The following CNTN5 variants were observed in gnomAD, a reference collection of about 807,000 sequenced individuals.
CNTN5 encodes contactin-5.
CNTN5 carries 77 observed loss-of-function variants against 129.1 expected under a neutral mutation model. That is an observed-to-expected ratio of 0.60 (90% CI 0.50 to 0.72). The LOEUF is 0.72. Among genes scored for constraint, CNTN5 ranks in the 30% least tolerant of loss-of-function variants. CNTN5 has a pLI of 0.00. For missense variants in CNTN5, 1,478 were observed against 1,328.8 expected (o/e 1.11, Z -1.75); for synonymous variants, 509 against 465.6 (o/e 1.09, Z -1.20).
intron 1 of CNTN5, among the ~76,000 whole-genome samples, chr11:99,078,172 A>G (rs1047782955): frequency 6.6e-6 from 1 of 152,184 alleles, no homozygotes; most frequent in Non-Finnish European, 1.5e-5. Flanking sequence ...GTAATTTGAT[A>G]CCTAATTAGT....
chr11:100,045,126 T>TG (rs1453346061), intron 9 of CNTN5, among the ~76,000 whole-genome samples: 1 of 152,000 alleles, frequency 6.6e-6, no homozygotes, highest in African/African-American at 2.4e-5. Context: ...ACTTTTTTTT[T>TG]TCTATTCATT....
At chr11:99,563,034 A>G (rs543022018) in intron 3 of CNTN5, among the ~76,000 whole-genome samples, 1 of 152,302 alleles carries the variant, frequency 6.6e-6, no homozygotes, top group Admixed American at 6.5e-5. Flanking sequence ...ACAAGGAAGC[A>G]TGTCTGAGTA....
intron 18 of CNTN5, among the ~76,000 whole-genome samples, chr11:100,276,583 CTAAGA>C (rs1409143216): frequency 1.4e-5 from 2 of 146,588 alleles, no homozygotes; most frequent in African/African-American, 5.0e-5. Flanking sequence ...GTCAGCAAAG[CTAAGA>C]TAAATTGGTT....
chr11:99,308,647 T>C (rs2135962901), intron 1 of CNTN5, among the ~76,000 whole-genome samples: 1 of 152,278 alleles, frequency 6.6e-6, no homozygotes, highest in East Asian at 1.9e-4. Context: ...TACTATAAGC[T>C]TTCAGGAAAA....
intron 9 of CNTN5, among the ~76,000 whole-genome samples, chr11:100,060,459 A>T (rs1943417919): frequency 6.6e-6 from 1 of 152,054 alleles, no homozygotes; most frequent in Admixed American, 6.6e-5. Flanking sequence ...GAAGTGGGAG[A>T]TTATGTGTAA....
intron 1 of CNTN5, among the ~76,000 whole-genome samples, chr11:99,170,126 T>A (rs1861072950): frequency 6.6e-6 from 1 of 152,168 alleles, no homozygotes; most frequent in Non-Finnish European, 1.5e-5. Context: ...TATCAATATA[T>A]TATAGGTTAC....
At chr11:99,965,370 C>T (rs1951066057) in intron 8 of CNTN5, among the ~76,000 whole-genome samples, 2 of 151,978 alleles carry the variant, frequency 1.3e-5, no homozygotes, top group Admixed American at 6.6e-5. Context: ...TCTTTGTTCT[C>T]GTTGGTTTCA....
intron 13 of CNTN5, among the ~76,000 whole-genome samples, chr11:100,147,508 T>C (rs953334598): frequency 2.6e-5 from 4 of 152,100 alleles, no homozygotes; most frequent in African/African-American, 9.7e-5. Context: ...CATTCGAACC[T>C]GCAACTCTTG....
At chr11:100,147,550 G>A (rs572114665) in intron 13 of CNTN5, among the ~76,000 whole-genome samples, 8 of 152,120 alleles carry the variant, frequency 5.3e-5, no homozygotes, top group Non-Finnish European at 8.8e-5. Context: ...CTCGGAAGCC[G>A]CGATTTATAC....
chr11:99,329,832 G>A (rs1591530953), intron 2 of CNTN5, among the ~76,000 whole-genome samples: 1 of 151,784 alleles, frequency 6.6e-6, no homozygotes, highest in South Asian at 2.1e-4. Flanking sequence ...GACTAAAAAA[G>A]TGAATACTAT....
At chr11:99,351,508 T>G (rs567270361) in intron 2 of CNTN5, among the ~76,000 whole-genome samples, 1 of 152,328 alleles carries the variant, frequency 6.6e-6, no homozygotes, top group Middle Eastern at 3.4e-3. Context: ...TTTAAAATCC[T>G]TCCTCTTTCA....
At chr11:99,040,660 G>T (rs1863950035) in intron 1 of CNTN5, among the ~76,000 whole-genome samples, 1 of 152,106 alleles carries the variant, frequency 6.6e-6, no homozygotes, top group East Asian at 1.9e-4. Context: ...TTTACTATGT[G>T]CAAGGCAAGC....
chr11:100,190,557 G>A (rs533679562), intron 13 of CNTN5, among the ~76,000 whole-genome samples: 1 of 152,170 alleles, frequency 6.6e-6, no homozygotes, highest in South Asian at 2.1e-4. Context: ...TGCAAACTTA[G>A]ATATCATATT....
At chr11:99,033,376 G>A (rs933402163) in intron 1 of CNTN5, among the ~76,000 whole-genome samples, 11 of 152,074 alleles carry the variant, frequency 7.2e-5, no homozygotes, top group African/African-American at 1.7e-4. Flanking sequence ...CCATTTTCAC[G>A]ATATTGATTC....
At position 100,255,830 on chromosome 11, in the gene CNTN5, C is replaced by G. The variant is rs746985690; in HGVS notation, c.2076C>G (p.Ser692Arg). 3 of 1,613,856 alleles carry G rather than the reference C, an allele frequency of 1.9e-6. No individual in the cohort carries two copies. The highest frequency in any genetic ancestry group is 2.5e-6 in the Non-Finnish European group (3 of 1,179,838). Reference protein sequence around the residue: ...ITESTATLSWSPAADNHSPIS... With the variant: ...ITESTATLSWRPAADNHSPIS... ...AAAGTACGGCCACACTGTCCTGGAG[C>G]CCAGCAGCTGACAACCACAGCCCAA... The change falls in exon 17 of 25, where the codon AGC becomes AGG. Residue 692 changes from serine to arginine, a missense_variant. Physicochemically the swap from Ser to Arg is moderately radical, Grantham distance 110. Coordinates refer to ENST00000524871, the MANE Select transcript of CNTN5 (RefSeq NM_014361.4).
At chr11:99,443,718 G>A (rs1943936481) in intron 2 of CNTN5, among the ~76,000 whole-genome samples, 1 of 152,056 alleles carries the variant, frequency 6.6e-6, no homozygotes, top group African/African-American at 2.4e-5. Context: ...AGTATCAGGT[G>A]GTTTTCTAGG....
intron 3 of CNTN5, among the ~76,000 whole-genome samples, chr11:99,787,880 C>T (rs1032680255): frequency 6.6e-6 from 1 of 152,024 alleles, no homozygotes; most frequent in Middle Eastern, 3.4e-3. Context: ...ATGTAGCTAA[C>T]CAGACCATAT....
At chr11:99,969,852 G>A (rs888821999) in intron 8 of CNTN5, among the ~76,000 whole-genome samples, 3 of 151,974 alleles carry the variant, frequency 2.0e-5, no homozygotes, top group Admixed American at 6.6e-5. Context: ...ATTTAAGGAG[G>A]CTTATCTTCT....
intron 2 of CNTN5, among the ~76,000 whole-genome samples, chr11:99,495,806 G>A (rs1258080716): frequency 6.6e-6 from 1 of 152,072 alleles, no homozygotes; most frequent in Non-Finnish European, 1.5e-5. Flanking sequence ...TTAGAGAAGG[G>A]TTAATCTAAG....
Sources: allele counts gnomAD v4.1 joint callset (sites outside exome capture counted in the v4.1 genomes callset), GRCh38; gene constraint gnomAD v4.1.1; transcripts MANE v1.5; gene names NCBI Gene and HGNC (gene_info 2026-07-23, HGNC 2026-07-21).